Variants in RERE observed in about 807,000 individuals in gnomAD.
RERE encodes the protein arginine-glutamic acid dipeptide repeats.
RERE carries 40 observed loss-of-function variants against 146.1 expected under a neutral mutation model. The observed-to-expected ratio is 0.27, with a 90% CI of 0.21 to 0.36. The LOEUF (loss-of-function observed/expected upper bound fraction) is 0.36. RERE is among the 10% of genes least tolerant of loss of function. RERE has a pLI of 1.00. For synonymous variants in RERE, 1,003 were observed against 866.0 expected (o/e 1.16, Z -2.78); for missense variants, 1,933 against 2,138.7 (o/e 0.90, Z 1.90).
At chr1:8,419,476 G>A (rs986071781) in intron 12 of RERE, among the ~76,000 whole-genome samples, 2 of 152,298 alleles carry the variant, frequency 1.3e-5, no homozygotes, top group East Asian at 3.9e-4. Context: ...GCTTCAAGAC[G>A]GACGTTGTTA....
intron 1 of RERE, among the ~76,000 whole-genome samples, chr1:8,671,798 G>A (rs1638723666): frequency 6.6e-6 from 1 of 152,108 alleles, no homozygotes; most frequent in Non-Finnish European, 1.5e-5. Context: ...TATTTAGCTG[G>A]TACCACAATT....
intron 1 of RERE, among the ~76,000 whole-genome samples, chr1:8,793,157 C>CAAAAA (rs1015889392): frequency 1.0e-4 from 5 of 49,278 alleles, no homozygotes; most frequent in Admixed American, 2.1e-4. Flanking sequence ...ACTCCATCTC[C>CAAAAA]AAAAAAAAAA....
chr1:8,608,521 C>A (rs191582712), intron 4 of RERE, among the ~76,000 whole-genome samples: 33 of 151,868 alleles, frequency 2.2e-4, no homozygotes, highest in Non-Finnish European at 3.8e-4. Flanking sequence ...AACAAAAAAA[C>A]CCCAAAACAT....
chr1:8,442,531 G>A (rs1408950338), intron 11 of RERE, among the ~76,000 whole-genome samples: 1 of 152,118 alleles, frequency 6.6e-6, no homozygotes, highest in East Asian at 1.9e-4. Context: ...ACAGACGCCA[G>A]CACCGTGCTT....
chr1:8,623,184 C>A (rs549103117), intron 3 of RERE, among the ~76,000 whole-genome samples: 22 of 152,276 alleles, frequency 1.4e-4, no homozygotes, highest in African/African-American at 5.3e-4. Flanking sequence ...TGGTAGCTCA[C>A]GTTTGTAATC....
At chr1:8,612,010 G>A (rs1646799192) in intron 4 of RERE, among the ~76,000 whole-genome samples, 1 of 152,140 alleles carries the variant, frequency 6.6e-6, no homozygotes, top group Admixed American at 6.5e-5. Context: ...TGCCTCTCCA[G>A]CAGATAGAAA....
At chr1:8,793,678 G>T (rs1048688736) in intron 1 of RERE, among the ~76,000 whole-genome samples, 2 of 152,214 alleles carry the variant, frequency 1.3e-5, no homozygotes, top group Non-Finnish European at 2.9e-5. Flanking sequence ...AGTCAGGACC[G>T]TTCAGAGGGC....
At chr1:8,662,152 G>C (rs80049101) in intron 1 of RERE, among the ~76,000 whole-genome samples, 3 of 152,146 alleles carry the variant, frequency 2.0e-5, no homozygotes, top group Non-Finnish European at 4.4e-5. Context: ...ACAGTTTTTT[G>C]ATCCTATTAG....
intron 3 of RERE, among the ~76,000 whole-genome samples, chr1:8,616,399 G>A (rs1435656762): frequency 2.6e-5 from 4 of 151,786 alleles, no homozygotes; most frequent in African/African-American, 9.7e-5. Context: ...GGTTTTTCTT[G>A]GACTATTGAG....
At chr1:8,545,599 T>C (rs1557680749) in intron 6 of RERE, among the ~76,000 whole-genome samples, 1 of 151,998 alleles carries the variant, frequency 6.6e-6, no homozygotes, top group African/African-American at 2.4e-5. Context: ...AGCAAATCTG[T>C]TGAAAGCTAT....
intron 2 of RERE, among the ~76,000 whole-genome samples, chr1:8,625,372 A>C (rs997573909): frequency 2.0e-5 from 3 of 152,204 alleles, no homozygotes; most frequent in Non-Finnish European, 4.4e-5. Flanking sequence ...TCACAACCTA[A>C]GATCATCATA....
intron 1 of RERE, among the ~76,000 whole-genome samples, chr1:8,785,874 G>A (rs775218917): frequency 3.4e-4 from 51 of 151,912 alleles, no homozygotes; most frequent in Non-Finnish European, 6.2e-4. Flanking sequence ...TGCCCACCTC[G>A]GCCTCCCAAA....
intron 1 of RERE, among the ~76,000 whole-genome samples, chr1:8,669,608 A>AAT (rs1024838614): frequency 6.6e-6 from 1 of 152,232 alleles, no homozygotes; most frequent in Non-Finnish European, 1.5e-5. Flanking sequence ...ACCACCTTTT[A>AAT]AAGCTGTAAA....
intron 4 of RERE, among the ~76,000 whole-genome samples, chr1:8,578,104 A>G (rs1646318669): frequency 6.6e-6 from 1 of 152,100 alleles, no homozygotes; most frequent in Non-Finnish European, 1.5e-5. Context: ...AAGAAAAAAA[A>G]AAGGGCGGGG....
intron 1 of RERE, among the ~76,000 whole-genome samples, chr1:8,736,293 G>A (rs1486322669): frequency 3.9e-5 from 6 of 152,120 alleles, no homozygotes; most frequent in East Asian, 1.9e-4. Flanking sequence ...TGCAAGGTCC[G>A]CCTCCTGGGT....
At chr1:8,640,203 T>G (rs1334619399) in intron 2 of RERE, among the ~76,000 whole-genome samples, 1 of 151,866 alleles carries the variant, frequency 6.6e-6, no homozygotes, top group African/African-American at 2.4e-5. Flanking sequence ...GCTAAAAATC[T>G]GTATCATAAA....
At chr1:8,796,853 G>A (rs542589100) in intron 1 of RERE, among the ~76,000 whole-genome samples, 210 of 152,170 alleles carry the variant, frequency 1.4e-3, no homozygotes, top group African/African-American at 5.0e-3. Flanking sequence ...AAAGCAAAAG[G>A]AAGGAAACAA....
chr1:8,557,195 G>A lies in RERE; in HGVS notation c.628+223C>T, dbSNP rs138375277. Among the ~76,000 whole-genome samples, 188 of 152,282 alleles carry A rather than the reference G, an allele frequency of 1.2e-3. 1 individual carries two copies. Among genetic ancestry groups the A allele is most frequent in the African/African-American group, 3.6e-3 (149 of 41,562 alleles). On this transcript the variant is annotated intron_variant, in intron 5 of 22. Transcript: ENST00000400908. The stretch of plus-strand genomic sequence containing the variant: ...TTAGACAATGCATGGCCCCAGCAAC[G>A]TCCTTAGCATCTCTCAACCTCAGTT...
At chr1:8,586,607 C>T (rs1249272451) in intron 4 of RERE, among the ~76,000 whole-genome samples, 1 of 152,094 alleles carries the variant, frequency 6.6e-6, no homozygotes, top group East Asian at 1.9e-4. Context: ...AAGACAAGTC[C>T]CATCAGGATA....
Sources: gnomAD v4.1 joint callset for allele counts (sites outside exome capture counted in the v4.1 genomes callset) on GRCh38, gnomAD v4.1.1 for gene constraint, MANE v1.5 for transcripts, NCBI Gene and HGNC (gene_info 2026-07-23, HGNC 2026-07-21) for gene names.